Variants in STOX2 observed in about 807,000 individuals in gnomAD.
The protein encoded by STOX2 is storkhead box 2, also known as storkhead-box protein 2.
STOX2 carries 28 observed loss-of-function variants against 60.9 expected under a neutral mutation model. The ratio of observed to expected loss-of-function variants is 0.46; its 90% CI spans 0.34 to 0.63. STOX2 has a LOEUF of 0.63. Among genes scored for constraint, STOX2 ranks in the 30% least tolerant of loss-of-function variants. STOX2 has a pLI of 0.01. For synonymous variants in STOX2, 472 were observed against 463.9 expected (o/e 1.02, Z -0.22); for missense variants, 1,024 against 1,187.7 (o/e 0.86, Z 2.03).
At chr4:183,965,593 T>C (rs2111167612) in intron 1 of STOX2, among the ~76,000 whole-genome samples, 1 of 152,276 alleles carries the variant, frequency 6.6e-6, no homozygotes, top group African/African-American at 2.4e-5. Flanking sequence ...TTTTATCAGC[T>C]CAAAAATAGG....
intron 1 of STOX2, among the ~76,000 whole-genome samples, chr4:183,845,321 A>C (rs141035111): frequency 6.6e-6 from 1 of 152,218 alleles, no homozygotes; most frequent in East Asian, 1.9e-4. Flanking sequence ...GAAAAGCTTC[A>C]GAAAAGCTTA....
intron 1 of STOX2, among the ~76,000 whole-genome samples, chr4:183,888,779 T>C (rs1199958003): frequency 6.6e-6 from 1 of 152,182 alleles, no homozygotes; most frequent in Non-Finnish European, 1.5e-5. Context: ...TCTCAAGTGC[T>C]ACCTTTTCCC....
At chr4:183,798,077 C>A in intron 1 of STOX2, 1 of 1,226,046 alleles carries the variant, frequency 8.2e-7, no homozygotes, top group Non-Finnish European at 1.0e-6. Context: ...CGCCGCGCGC[C>A]CGTCCCGTCC....
At chr4:183,999,099 T>G (rs1305600328) in intron 1 of STOX2, among the ~76,000 whole-genome samples, 1 of 152,064 alleles carries the variant, frequency 6.6e-6, no homozygotes, top group African/African-American at 2.4e-5. Context: ...AAAACCCAGC[T>G]TTTTTTGTAG....
intron 1 of STOX2, among the ~76,000 whole-genome samples, chr4:183,831,502 AT>A (rs11292239): frequency 0.087 from 12,593 of 144,060 alleles, 1,581 homozygotes; most frequent in African/African-American, 0.29. Context: ...AACTATGTAC[AT>A]TTTTTTTTTT....
At chr4:183,933,286 C>T (rs1024931850) in intron 1 of STOX2, among the ~76,000 whole-genome samples, 1 of 152,190 alleles carries the variant, frequency 6.6e-6, no homozygotes, top group Non-Finnish European at 1.5e-5. Context: ...GCAGATTTAG[C>T]CAAAGACGTA....
chr4:183,949,692 C>T (rs1257129428), intron 1 of STOX2, among the ~76,000 whole-genome samples: 5 of 152,080 alleles, frequency 3.3e-5, no homozygotes, highest in African/African-American at 7.2e-5. Flanking sequence ...GGCGAGACTC[C>T]GTATCAAAAT....
At chr4:183,904,003 T>G (rs539917705), upstream of STOX2, among the ~76,000 whole-genome samples, 1 of 152,376 alleles carries the variant, frequency 6.6e-6, no homozygotes, top group East Asian at 1.9e-4. Context: ...CTTGTTTTCC[T>G]GCAACTAGAG....
At chr4:183,940,493 T>C (rs556781772) in intron 1 of STOX2, among the ~76,000 whole-genome samples, 2 of 152,362 alleles carry the variant, frequency 1.3e-5, no homozygotes, top group South Asian at 2.1e-4. Flanking sequence ...ACCTGGGGCA[T>C]GGCCACCCCT....
chr4:183,903,499 CTAGACGGTT>C (rs1468568262), upstream of STOX2, among the ~76,000 whole-genome samples: 1 of 152,214 alleles, frequency 6.6e-6, no homozygotes, highest in African/African-American at 2.4e-5. Flanking sequence ...CTCTTCCATA[CTAGACGGTT>C]TGCTGCAGGG....
Position 183,905,443 on chromosome 4 carries a change from C to T in STOX2, c.-1348C>T, listed in dbSNP as rs1741564918. The stretch of plus-strand genomic sequence containing the variant: ...GGCCACTTGCATTGCGTCTTCCAGG[C>T]TGCGTGGACCCGGCGCCCCGGCGTG... On this transcript the variant is annotated 5_prime_UTR_variant, in exon 1 of 4. Coordinates refer to ENST00000308497, the MANE Select transcript of STOX2 (RefSeq NM_020225.3). 1 of 152,302 alleles carries T rather than the reference C, an allele frequency of 6.6e-6. No individual in the cohort carries two copies. The highest frequency in any genetic ancestry group is 2.1e-4 in the South Asian group (1 of 4,832). 9.4% of individuals were successfully genotyped at this position (152,302 alleles called of 1,614,324 possible).
intron 1 of STOX2, among the ~76,000 whole-genome samples, chr4:183,874,190 G>A (rs1019801782): frequency 3.9e-5 from 6 of 152,268 alleles, no homozygotes; most frequent in East Asian, 1.9e-4. Context: ...AAAATGTCAC[G>A]GATGTGTCCA....
chr4:183,943,675 G>A (rs55691848), intron 1 of STOX2, among the ~76,000 whole-genome samples: 2,582 of 152,234 alleles, frequency 0.017, 85 homozygotes, highest in African/African-American at 0.059. Context: ...TCAGGAGTTC[G>A]AGACCAGCCT....
At chr4:183,845,648 A>G (rs770098521) in intron 1 of STOX2, among the ~76,000 whole-genome samples, 8 of 152,230 alleles carry the variant, frequency 5.3e-5, no homozygotes, top group Non-Finnish European at 7.3e-5. Flanking sequence ...CAGCAAAAAG[A>G]GAAGTATTCT....
chr4:183,950,837 A>C (rs1743047823), intron 1 of STOX2, among the ~76,000 whole-genome samples: 1 of 152,142 alleles, frequency 6.6e-6, no homozygotes, highest in African/African-American at 2.4e-5. Context: ...AGCAGCTGCC[A>C]AGAGATGGAG....
chr4:183,871,434 C>G (rs1472557837), intron 1 of STOX2, among the ~76,000 whole-genome samples: 1 of 152,144 alleles, frequency 6.6e-6, no homozygotes, highest in Non-Finnish European at 1.5e-5. Context: ...TAAAATTACA[C>G]TAATTGCTTT....
At chr4:183,882,821 C>G (rs185161611) in intron 1 of STOX2, among the ~76,000 whole-genome samples, 1 of 152,300 alleles carries the variant, frequency 6.6e-6, no homozygotes, top group East Asian at 1.9e-4. Flanking sequence ...CAAAGCTAGA[C>G]AGTGGCAAAG....
chr4:183,864,726 T>C (rs1217916866), intron 1 of STOX2, among the ~76,000 whole-genome samples: 1 of 152,150 alleles, frequency 6.6e-6, no homozygotes, highest in African/African-American at 2.4e-5. Flanking sequence ...TATATATCCT[T>C]GTAGATAACA....
At chr4:183,979,482 A>T (rs1732571851) in intron 1 of STOX2, among the ~76,000 whole-genome samples, 1 of 152,140 alleles carries the variant, frequency 6.6e-6, no homozygotes, top group African/African-American at 2.4e-5. Context: ...GATTAACCAG[A>T]TCAGTACTGT....
Sources: gnomAD v4.1 joint callset for allele counts (sites outside exome capture counted in the v4.1 genomes callset) on GRCh38, gnomAD v4.1.1 for gene constraint, MANE v1.5 for transcripts, NCBI Gene and HGNC (gene_info 2026-07-23, HGNC 2026-07-21) for gene names.